KALRN: variants seen among roughly 807,000 people sequenced by gnomAD.
The protein encoded by KALRN is kalirin RhoGEF kinase.
KALRN carries 70 observed loss-of-function variants against 353.7 expected under a neutral mutation model. That is an observed-to-expected ratio of 0.20 (90% CI 0.16 to 0.24). The LOEUF (loss-of-function observed/expected upper bound fraction) is 0.24, where lower values mean the gene tolerates loss of function less well. KALRN is among the 10% of genes least tolerant of loss of function. The pLI is 1.00. For missense variants in KALRN, 2,791 were observed against 3,756.7 expected (o/e 0.74, Z 6.72); for synonymous variants, 1,391 against 1,434.8 (o/e 0.97, Z 0.69).
At chr3:124,385,082 A>G (rs1487978930) in intron 11 of KALRN, 46 bp downstream of exon 11, 4 of 1,507,876 alleles carry the variant, frequency 2.7e-6, no homozygotes. Context: ...TGCCAGGGTC[A>G]GGTCGGCTTC....
chr3:124,439,190 TCTCTCTCTCTCACACA>T (rs1002525225), intron 18 of KALRN, among the ~76,000 whole-genome samples, 153 bp downstream of exon 18: 2 of 58,064 alleles, frequency 3.4e-5, no homozygotes, highest in Non-Finnish European at 6.9e-5. Flanking sequence ...CTTCTCCTTC[TCTCTCTCTCTCACACA>T]CACACACACA....
At chr3:124,407,025 G>C (rs1348913792) in intron 13 of KALRN, among the ~76,000 whole-genome samples, 1 of 151,726 alleles carries the variant, frequency 6.6e-6, no homozygotes, top group Non-Finnish European at 1.5e-5. Flanking sequence ...GTAGAGATGG[G>C]GTTTCACCAT....
intron 1 of KALRN, among the ~76,000 whole-genome samples, chr3:124,107,967 G>C (rs1415895835): frequency 6.6e-6 from 1 of 152,148 alleles, no homozygotes; most frequent in East Asian, 1.9e-4. Flanking sequence ...AACAAGCTTG[G>C]CATGACCAAT....
At chr3:124,244,249 T>A (rs1175345164) in intron 3 of KALRN, among the ~76,000 whole-genome samples, 1 of 152,174 alleles carries the variant, frequency 6.6e-6, no homozygotes, top group Non-Finnish European at 1.5e-5. Flanking sequence ...AGAGGTTTGT[T>A]TTTTTGAGAC....
intron 51 of KALRN, among the ~76,000 whole-genome samples, chr3:124,691,402 C>T (rs113092936): frequency 4.6e-5 from 7 of 152,052 alleles, no homozygotes; most frequent in South Asian, 4.2e-4. Flanking sequence ...TACTCCAGCC[C>T]GGGCAAGAAG....
chr3:124,507,316 A>G (rs2108765993), intron 33 of KALRN, among the ~76,000 whole-genome samples: 1 of 152,300 alleles, frequency 6.6e-6, no homozygotes, highest in Non-Finnish European at 1.5e-5. Flanking sequence ...ATTCTTTAAA[A>G]ATCTTAAAAG....
rs531463668 is a variant in KALRN, at chr3:124,379,383, C to T, written c.1771-5462C>T. 3.9e-5 allele frequency among the ~76,000 whole-genome samples: 6 copies of T among 152,134 alleles called. No homozygotes were observed. The East Asian group carries it at 1.2e-3, about 29-fold the overall frequency. On this transcript the variant is annotated intron_variant, in intron 10 of 59. Transcript: ENST00000682506. ...TTCTCCTTCTCATAGGTGAGATTTTCCTGATTATGTGCACGCCTGGTAATT... is the reference window on the plus strand; with the variant it reads ...TTCTCCTTCTCATAGGTGAGATTTTTCTGATTATGTGCACGCCTGGTAATT...
Position 124,446,316 on chromosome 3 carries a change from G to A in KALRN, c.3429+40G>A, listed in dbSNP as rs763703455. The A allele has an allele frequency of 5.2e-5, 74 of 1,434,234 alleles. 1 individual carries two copies. The highest frequency in any genetic ancestry group is 1.7e-4 in the Middle Eastern group (1 of 5,722). 88.8% of individuals were successfully genotyped at this position (1,434,234 alleles called of 1,614,324 possible). ...TCCCTGGCACTATCTCAGTTCTGGG[G>A]AGCATACAGAGGCCCATCACCAAGG... On this transcript the variant is annotated intron_variant, in intron 20 of 59. Transcript: ENST00000682506.
intron 33 of KALRN, among the ~76,000 whole-genome samples, chr3:124,562,457 AG>A (rs1406105864): frequency 6.6e-6 from 1 of 152,076 alleles, no homozygotes; most frequent in Admixed American, 6.6e-5. Flanking sequence ...GAAGGAGTAA[AG>A]GGGCATATAG....
chr3:124,623,409 C>CACACACACACACACACACACAT, intron 34 of KALRN, among the ~76,000 whole-genome samples: 1 of 146,432 alleles, frequency 6.8e-6, no homozygotes, highest in Non-Finnish European at 1.5e-5. Flanking sequence ...TACACACACA[C>CACACACACACACACACACACAT]ACACACACAC....
At chr3:124,694,815 C>A (rs2061977173) in intron 53 of KALRN, among the ~76,000 whole-genome samples, 1 of 152,226 alleles carries the variant, frequency 6.6e-6, no homozygotes, top group Admixed American at 6.5e-5. Flanking sequence ...AAAGACTGTG[C>A]TCCAGACCCA....
At chr3:124,576,751 C>T (rs1341134076) in intron 34 of KALRN, among the ~76,000 whole-genome samples, 2 of 152,196 alleles carry the variant, frequency 1.3e-5, no homozygotes, top group Non-Finnish European at 2.9e-5. Flanking sequence ...GCTGCTGCAG[C>T]TGCTATTTGT....
intron 58 of KALRN, among the ~76,000 whole-genome samples, chr3:124,714,501 AG>A (rs1318314256): frequency 2.6e-5 from 4 of 152,234 alleles, no homozygotes; most frequent in African/African-American, 9.7e-5. Flanking sequence ...CAGAATACTT[AG>A]TTTGCTGGGG....
intron 34 of KALRN, among the ~76,000 whole-genome samples, chr3:124,600,473 C>A: frequency 6.6e-6 from 1 of 152,190 alleles, no homozygotes; most frequent in East Asian, 1.9e-4. Flanking sequence ...CAGGACAGGG[C>A]AGTGGCTATA....
At chr3:124,268,561 A>T in intron 4 of KALRN, 182 bp from the exon 5 acceptor site, 1 of 626,196 alleles carries the variant, frequency 1.6e-6, no homozygotes, top group Non-Finnish European at 2.8e-6. Context: ...GTCTGTAGAA[A>T]CTGCTGATCC....
In KALRN at chr3:124,677,383, G is replaced by A. The variant is rs1423090953; in HGVS notation, c.7194-807G>A. 3 of 326,910 alleles carry A rather than the reference G, an allele frequency of 9.2e-6. No individual in the cohort carries two copies. The Admixed American group carries it at 1.3e-4, about 14-fold the overall frequency. The allele number at this position is 326,910 out of a possible 1,614,324, so 20.3% of individuals were successfully genotyped here. On this transcript the variant is annotated intron_variant, in intron 49 of 59. Coordinates refer to ENST00000682506, the MANE Select transcript of KALRN (RefSeq NM_001388419.1). ...CTCTGCTCTGAGCTTGTCTTCATAG[G>A]TCTGTGAAGAAGTTGCTCCCAAGAC...
At chr3:124,242,202 A>G (rs1202572975) in intron 3 of KALRN, among the ~76,000 whole-genome samples, 1 of 152,220 alleles carries the variant, frequency 6.6e-6, no homozygotes, top group Admixed American at 6.5e-5. Context: ...AACAGTTCCA[A>G]TAATGTGGCT....
chr3:124,602,453 G>T (rs2149464424), intron 34 of KALRN, among the ~76,000 whole-genome samples: 1 of 152,290 alleles, frequency 6.6e-6, no homozygotes, highest in South Asian at 2.1e-4. Context: ...GAGATGGATG[G>T]GTGCCAGCAG....
chr3:124,104,875 G>A (rs1267544715), intron 1 of KALRN, among the ~76,000 whole-genome samples: 1 of 152,140 alleles, frequency 6.6e-6, no homozygotes, highest in Admixed American at 6.6e-5. Flanking sequence ...AGAAGGTGGG[G>A]CCAAACATTC....
Sources: allele counts gnomAD v4.1 joint callset (sites outside exome capture counted in the v4.1 genomes callset), GRCh38; gene constraint gnomAD v4.1.1; transcripts MANE v1.5; gene names NCBI Gene and HGNC (gene_info 2026-07-23, HGNC 2026-07-21).